Variants in FAT3 observed in about 807,000 individuals in gnomAD.
The protein encoded by FAT3 is protocadherin Fat 3.
Under a neutral mutation model 310.2 loss-of-function variants are expected in FAT3, and 95 were observed. That is an observed-to-expected ratio of 0.31 (90% CI 0.26 to 0.36). FAT3 has a LOEUF of 0.36. FAT3 is among the 10% of genes least tolerant of loss of function. The pLI is 1.00. For missense variants in FAT3, 5,408 were observed against 5,715.6 expected (o/e 0.95, Z 1.74); for synonymous variants, 2,314 against 2,192.9 (o/e 1.06, Z -1.54).
chr11:92,419,632 T>C (rs1565302064), intron 2 of FAT3, among the ~76,000 whole-genome samples: 1 of 152,206 alleles, frequency 6.6e-6, no homozygotes, highest in Non-Finnish European at 1.5e-5. Context: ...ATGATTGGAT[T>C]GGTATTTTGA....
chr11:92,290,366 A>G (rs1427874819), intron 1 of FAT3, among the ~76,000 whole-genome samples: 2 of 152,146 alleles, frequency 1.3e-5, no homozygotes, highest in Admixed American at 6.5e-5. Flanking sequence ...TGCCTGTCCC[A>G]TAATAAGCCA....
At chr11:92,843,384 C>T (rs956396064) in intron 18 of FAT3, among the ~76,000 whole-genome samples, 3 of 152,190 alleles carry the variant, frequency 2.0e-5, no homozygotes, top group Non-Finnish European at 4.4e-5. Context: ...CATTCTTACA[C>T]ATGGAAGGAA....
chr11:92,823,668 T>C (rs1212494322), intron 13 of FAT3, among the ~76,000 whole-genome samples: 2 of 152,196 alleles, frequency 1.3e-5, no homozygotes, highest in Non-Finnish European at 2.9e-5. Flanking sequence ...CATCAGGGTC[T>C]CCTGGACTCT....
intron 5 of FAT3, 121 bp downstream of exon 5, chr11:92,762,291 AG>A: frequency 3.9e-6 from 4 of 1,037,614 alleles, no homozygotes; most frequent in Non-Finnish European, 5.5e-6. Flanking sequence ...CAGCTGTGGA[AG>A]GGTTCTTTCT....
intron 1 of FAT3, among the ~76,000 whole-genome samples, chr11:92,305,024 A>G (rs1347366566): frequency 6.6e-6 from 1 of 152,126 alleles, no homozygotes; most frequent in African/African-American, 2.4e-5. Flanking sequence ...AACAAAAGTC[A>G]CCCATTTGCT....
At position 92,895,950 on chromosome 11, in the gene FAT3, G is replaced by A. The variant is rs1950022659; in HGVS notation, c.*4837G>A. The stretch of plus-strand genomic sequence containing the variant: ...CACACACACACACACAAGGATTTTA[G>A]ATTTGAAAATGATGTTTTTTACTCA... On this transcript the variant is annotated 3_prime_UTR_variant, in exon 28 of 28. Coordinates refer to ENST00000525166, the MANE Select transcript of FAT3 (RefSeq NM_001367949.2). 6.9e-6 allele frequency: 1 copy of A among 145,140 alleles called. No homozygotes were observed. Among genetic ancestry groups the A allele is most frequent in the Non-Finnish European group, 1.5e-5 (1 of 65,022 alleles). 9.0% of individuals were successfully genotyped at this position (145,140 alleles called of 1,614,324 possible).
intron 2 of FAT3, among the ~76,000 whole-genome samples, chr11:92,468,420 A>G (rs552638586): frequency 1.3e-5 from 2 of 152,330 alleles, no homozygotes; most frequent in Admixed American, 1.3e-4. Flanking sequence ...CTTGTCATAT[A>G]TAACCTTTTG....
intron 1 of FAT3, among the ~76,000 whole-genome samples, chr11:92,237,392 G>A (rs572648388): frequency 9.2e-5 from 14 of 151,968 alleles, no homozygotes; most frequent in South Asian, 2.1e-4. Flanking sequence ...GACCAATTTC[G>A]AACAGTTTCT....
intron 3 of FAT3, among the ~76,000 whole-genome samples, chr11:92,631,603 C>T (rs1171940728): frequency 6.6e-6 from 1 of 152,108 alleles, no homozygotes; most frequent in Non-Finnish European, 1.5e-5. Context: ...GCCATGATCA[C>T]AAGTTTCCTG....
intron 4 of FAT3, among the ~76,000 whole-genome samples, chr11:92,739,294 G>GT (rs998084762): frequency 1.3e-5 from 2 of 151,940 alleles, no homozygotes; most frequent in African/African-American, 4.8e-5. Flanking sequence ...CAATCTTTTT[G>GT]TTTTTTGTAA....
At chr11:92,410,200 C>T (rs990340424) in intron 2 of FAT3, among the ~76,000 whole-genome samples, 1 of 151,928 alleles carries the variant, frequency 6.6e-6, no homozygotes, top group African/African-American at 2.4e-5. Context: ...TTCTACAAAT[C>T]CAGAAGTCCT....
chr11:92,510,631 A>G (rs955102288), intron 2 of FAT3, among the ~76,000 whole-genome samples: 1 of 152,224 alleles, frequency 6.6e-6, no homozygotes, highest in African/African-American at 2.4e-5. Flanking sequence ...AACCTACAGA[A>G]CATCATGGCC....
At chr11:92,480,528 C>T (rs990482278) in intron 2 of FAT3, among the ~76,000 whole-genome samples, 2 of 152,170 alleles carry the variant, frequency 1.3e-5, no homozygotes, top group African/African-American at 4.8e-5. Flanking sequence ...AGAGGAACAG[C>T]TGACTTTGTG....
At chr11:92,309,384 GCA>G (rs59596533) in intron 1 of FAT3, among the ~76,000 whole-genome samples, 47,457 of 144,744 alleles carry the variant, frequency 0.33, 8,841 homozygotes, top group Non-Finnish European at 0.43. Context: ...ACACACGCAT[GCA>G]CACACACACA....
intron 2 of FAT3, among the ~76,000 whole-genome samples, chr11:92,401,059 C>A (rs1950001483): frequency 6.6e-6 from 1 of 152,136 alleles, no homozygotes; most frequent in South Asian, 2.1e-4. Context: ...GTCCTTATTG[C>A]CATTCTTACA....
chr11:92,467,499 C>T (rs934056816), intron 2 of FAT3, among the ~76,000 whole-genome samples: 1 of 152,116 alleles, frequency 6.6e-6, no homozygotes. Context: ...GACAGAAACC[C>T]GTGATTAGCC....
chr11:92,373,738 C>T (rs1949258936), intron 2 of FAT3, among the ~76,000 whole-genome samples: 2 of 147,314 alleles, frequency 1.4e-5, no homozygotes, highest in Non-Finnish European at 3.0e-5. Context: ...TCCAGAGAGA[C>T]AGAACCAGTG....
chr11:92,645,455 T>A (rs916442371), intron 3 of FAT3, among the ~76,000 whole-genome samples: 1 of 150,588 alleles, frequency 6.6e-6, no homozygotes, highest in East Asian at 1.9e-4. Flanking sequence ...ATAAAAGTTT[T>A]AGGACTCCAA....
chr11:92,436,525 T>C (rs1044271308), intron 2 of FAT3, among the ~76,000 whole-genome samples: 5 of 152,138 alleles, frequency 3.3e-5, no homozygotes, highest in African/African-American at 1.2e-4. Flanking sequence ...CCTGTAGACT[T>C]CAGACACTCA....
Sources: gnomAD v4.1 joint callset for allele counts (sites outside exome capture counted in the v4.1 genomes callset) on GRCh38, gnomAD v4.1.1 for gene constraint, MANE v1.5 for transcripts, NCBI Gene and HGNC (gene_info 2026-07-23, HGNC 2026-07-21) for gene names.